PKHD1L1: variants seen among roughly 807,000 people sequenced by gnomAD.
The protein encoded by PKHD1L1 is PKHD1 like 1.
Under a neutral mutation model 462.9 loss-of-function variants are expected in PKHD1L1, and 434 were observed. That is an observed-to-expected ratio of 0.94 (90% CI 0.87 to 1.02). The LOEUF is 1.02. PKHD1L1 is among the 50% of genes least tolerant of loss of function. PKHD1L1 has a pLI of 0.00. For synonymous variants in PKHD1L1, 1,781 were observed against 1,750.0 expected (o/e 1.02, Z -0.44); for missense variants, 5,202 against 5,096.1 (o/e 1.02, Z -0.63).
chr8:109,512,223 G>A (rs1820028599), intron 71 of PKHD1L1, among the ~76,000 whole-genome samples: 1 of 151,892 alleles, frequency 6.6e-6, no homozygotes, highest in Non-Finnish European at 1.5e-5. Flanking sequence ...GTCAATTTTG[G>A]CTTTTGTTGC....
chr8:109,408,160 A>G lies in PKHD1L1; in HGVS notation c.1925A>G (p.Asp642Gly). The change falls in exon 18 of 78, where the codon GAT becomes GGT. Residue 642 changes from aspartate (D) to glycine (G), a missense_variant. By Grantham distance (94) the Asp-to-Gly change is moderately conservative. Transcript: ENST00000378402. Reference protein sequence around the residue: ...PNLETFTLNWDGIASKPLTLW... With the variant: ...PNLETFTLNWGGIASKPLTLW... ...TTGGAGACATTCACACTGAATTGGGATGGGATCGCTTCTAAGCCACTCACT... is the reference window on the plus strand; with the variant it reads ...TTGGAGACATTCACACTGAATTGGGGTGGGATCGCTTCTAAGCCACTCACT... 2 of 1,613,122 alleles carry G rather than the reference A, an allele frequency of 1.2e-6. No homozygotes were observed. The highest frequency in any genetic ancestry group is 1.7e-6 in the Non-Finnish European group (2 of 1,179,344).
intron 28 of PKHD1L1, among the ~76,000 whole-genome samples, chr8:109,434,370 G>C (rs1471895009): frequency 6.7e-6 from 1 of 148,446 alleles, no homozygotes; most frequent in Non-Finnish European, 1.5e-5. Context: ...GAATTAAATG[G>C]TCACATTTCA....
chr8:109,415,385 A>T (rs1382143832), intron 21 of PKHD1L1, among the ~76,000 whole-genome samples: 1 of 152,198 alleles, frequency 6.6e-6, no homozygotes, highest in Non-Finnish European at 1.5e-5. Context: ...AATTGTTGAC[A>T]TATGTTGGAC....
intron 68 of PKHD1L1, among the ~76,000 whole-genome samples, chr8:109,504,998 CA>C (rs1219868364): frequency 6.6e-6 from 1 of 152,070 alleles, no homozygotes; most frequent in African/African-American, 2.4e-5. Flanking sequence ...CTCAGCCTCC[CA>C]AGCAGCTGAG....
chr8:109,362,696 G>T, intron 1 of PKHD1L1, 43 bp downstream of exon 1: 2 of 1,549,260 alleles, frequency 1.3e-6, no homozygotes, highest in Non-Finnish European at 1.8e-6. Flanking sequence ...GGAGAGGCCC[G>T]CGTAGACACT....
chr8:109,519,231 A>G (rs1820426845), intron 73 of PKHD1L1, among the ~76,000 whole-genome samples: 2 of 152,026 alleles, frequency 1.3e-5, no homozygotes, highest in African/African-American at 4.8e-5. Context: ...ATTTTTTATC[A>G]GAGATAAAAA....
chr8:109,410,843 C>G (rs2130595179), intron 19 of PKHD1L1, among the ~76,000 whole-genome samples: 1 of 150,498 alleles, frequency 6.6e-6, no homozygotes, highest in African/African-American at 2.5e-5. Context: ...ATTTTCCTGC[C>G]TCAGTCTCCC....
intron 67 of PKHD1L1, among the ~76,000 whole-genome samples, chr8:109,503,315 C>CAAAAACAAACAA (rs1819528266): frequency 7.5e-6 from 1 of 132,554 alleles, no homozygotes; most frequent in African/African-American, 2.7e-5. Context: ...CAAAAACAAA[C>CAAAAACAAACAA]AAAAAAAAAA....
intron 67 of PKHD1L1, among the ~76,000 whole-genome samples, chr8:109,500,673 CAAAAA>C (rs34827783): frequency 2.1e-5 from 1 of 47,184 alleles, no homozygotes; most frequent in Admixed American, 2.8e-4. Context: ...AACTCTGTCT[CAAAAA>C]AAAAAAAAAA....
At chr8:109,387,778 A>G (rs982159999) in intron 6 of PKHD1L1, among the ~76,000 whole-genome samples, 2 of 152,188 alleles carry the variant, frequency 1.3e-5, no homozygotes, top group Non-Finnish European at 2.9e-5. Flanking sequence ...CTTATTTTTT[A>G]TAGTTCAAGT....
rs759235100 is a variant in PKHD1L1, at chr8:109,409,985, A to G, written c.2085+7A>G. On this transcript the variant is annotated splice_region_variant and intron_variant, in intron 19 of 77. Transcript: ENST00000378402. ...TGAAACTGATTTTAATCTGGTATGA[A>G]ATATTTAATGAACTGTGAAACTGAC... 113 of 1,425,422 alleles carry G rather than the reference A, an allele frequency of 7.9e-5. 1 individual carries two copies. In the Middle Eastern group the frequency reaches 1.5e-3, roughly 19 times the overall value. The allele number at this position is 1,425,422 out of a possible 1,614,324, so 88.3% of individuals were successfully genotyped here. A position where few individuals can be genotyped will look rare whatever the true frequency, so the allele number is the denominator to read the frequency against.
intron 43 of PKHD1L1, 74 bp downstream of exon 43, chr8:109,452,948 A>G (rs1490433598): frequency 3.4e-6 from 4 of 1,184,714 alleles, no homozygotes; most frequent in South Asian, 2.8e-5. Context: ...ATCAAAATCC[A>G]CAATTATGAA....
intron 2 of PKHD1L1, among the ~76,000 whole-genome samples, chr8:109,374,423 C>T (rs999001287): frequency 6.6e-6 from 1 of 152,162 alleles, no homozygotes. Context: ...TTCCTGAATA[C>T]AGCACACTGA....
intron 69 of PKHD1L1, 78 bp downstream of exon 69, chr8:109,507,973 C>T: frequency 6.6e-7 from 1 of 1,524,970 alleles, no homozygotes; most frequent in Middle Eastern, 1.7e-4. Flanking sequence ...AATGACTTGC[C>T]TACTCAACCA....
At chr8:109,379,054 T>C (rs1811979387) in intron 2 of PKHD1L1, among the ~76,000 whole-genome samples, 1 of 152,100 alleles carries the variant, frequency 6.6e-6, no homozygotes, top group African/African-American at 2.4e-5. Flanking sequence ...GTGGAGGCCA[T>C]GCATGAGCCA....
chr8:109,530,491 T>A lies in PKHD1L1; in HGVS notation c.*401T>A, dbSNP rs1821015668. ...TACTTGAGGGGGGGGGTTCTTATTT[T>A]CTCTATCCATTTACAAGGTTTTGAT... On this transcript the variant is annotated 3_prime_UTR_variant, in exon 78 of 78. Transcript: ENST00000378402. 6.6e-6 allele frequency among the ~76,000 whole-genome samples: 1 copy of A among 152,050 alleles called. No homozygotes were observed. The highest frequency in any genetic ancestry group is 1.5e-5 in the Non-Finnish European group (1 of 68,020).
intron 12 of PKHD1L1, among the ~76,000 whole-genome samples, chr8:109,398,804 C>G (rs898088652): frequency 1.3e-5 from 2 of 152,030 alleles, no homozygotes; most frequent in African/African-American, 4.8e-5. Context: ...TCTCTACTGA[C>G]AGAGTTTAAT....
At chr8:109,445,673 GA>G (rs773723116) in intron 38 of PKHD1L1, 28 bp downstream of exon 38, 2 of 1,528,358 alleles carry the variant, frequency 1.3e-6, no homozygotes, top group Non-Finnish European at 1.8e-6. Context: ...TTATTATCTT[GA>G]TATTATAGTA....
intron 21 of PKHD1L1, among the ~76,000 whole-genome samples, chr8:109,416,672 G>A (rs1036225079): frequency 2.0e-5 from 3 of 152,168 alleles, no homozygotes; most frequent in Non-Finnish European, 4.4e-5. Flanking sequence ...TATTGACTCA[G>A]AAGGGGACAT....
Sources: gnomAD v4.1 joint callset for allele counts (sites outside exome capture counted in the v4.1 genomes callset) on GRCh38, gnomAD v4.1.1 for gene constraint, MANE v1.5 for transcripts, NCBI Gene and HGNC (gene_info 2026-07-23, HGNC 2026-07-21) for gene names.